The following CERS3 variants were observed in gnomAD, a reference collection of about 807,000 sequenced individuals.
The protein encoded by CERS3 is LAG1 homolog, ceramide synthase 3.
In CERS3, 33 loss-of-function variants were observed where a neutral mutation model predicts 50.3. The observed-to-expected ratio is 0.66, with a 90% CI of 0.50 to 0.88. The LOEUF (loss-of-function observed/expected upper bound fraction) is 0.88, where lower values mean the gene tolerates loss of function less well. CERS3 is among the 40% of genes least tolerant of loss of function. CERS3 has a pLI of 0.00. For synonymous variants in CERS3, 176 were observed against 155.2 expected (o/e 1.13, Z -0.99); for missense variants, 470 against 460.3 (o/e 1.02, Z -0.19).
chr15:100,476,231 A>C, intron 7 of CERS3, 53 bp from the exon 8 acceptor site: 1 of 1,183,870 alleles, frequency 8.4e-7, no homozygotes, highest in Non-Finnish European at 1.2e-6. Context: ...GAAGCAACTC[A>C]TTTTAATGCA....
At chr15:100,498,067 T>G (rs909474922) in intron 3 of CERS3, among the ~76,000 whole-genome samples, 1 of 152,060 alleles carries the variant, frequency 6.6e-6, no homozygotes, top group Non-Finnish European at 1.5e-5. Context: ...TTAATTTTTT[T>G]GTATTTTTAG....
At chr15:100,432,511 C>G (rs2033186044) in intron 11 of CERS3, among the ~76,000 whole-genome samples, 1 of 152,172 alleles carries the variant, frequency 6.6e-6, no homozygotes, top group Non-Finnish European at 1.5e-5. Flanking sequence ...CATAATGCGA[C>G]TAACAGCAAT....
intron 11 of CERS3, among the ~76,000 whole-genome samples, chr15:100,448,513 G>T (rs1448777989): frequency 2.6e-5 from 4 of 152,202 alleles, no homozygotes; most frequent in Non-Finnish European, 4.4e-5. Context: ...ATAGAGAGCT[G>T]CCTAGAGTTG....
intron 3 of CERS3, among the ~76,000 whole-genome samples, chr15:100,497,813 C>T (rs1028601428): frequency 6.7e-6 from 1 of 150,178 alleles, no homozygotes; most frequent in Non-Finnish European, 1.5e-5. Flanking sequence ...ACTTCAAGGA[C>T]AGACTTAATG....
At chr15:100,472,533 G>A (rs1270714367) in intron 9 of CERS3, among the ~76,000 whole-genome samples, 1 of 152,284 alleles carries the variant, frequency 6.6e-6, no homozygotes, top group East Asian at 1.9e-4. Flanking sequence ...CATTCAACGG[G>A]TATTCAAGCA....
intron 11 of CERS3, among the ~76,000 whole-genome samples, chr15:100,422,935 T>G (rs1163375035): frequency 1.4e-4 from 2 of 14,424 alleles, no homozygotes; most frequent in South Asian, 2.3e-3. Flanking sequence ...GGGACTGTTG[T>G]GGGGTGGGGG....
upstream of CERS3, among the ~76,000 whole-genome samples, chr15:100,531,307 T>C (rs2036933485): frequency 6.6e-6 from 1 of 152,214 alleles, no homozygotes; most frequent in Non-Finnish European, 1.5e-5. Context: ...GGTGTAATTC[T>C]TCCCCCTTCT....
chr15:100,542,789 ATATG>A (rs2037232548), intron 1 of CERS3, among the ~76,000 whole-genome samples: 1 of 150,238 alleles, frequency 6.7e-6, no homozygotes, highest in Non-Finnish European at 1.5e-5. Flanking sequence ...ATATATATGT[ATATG>A]TATGAACATA....
intron 3 of CERS3, among the ~76,000 whole-genome samples, chr15:100,501,407 T>G (rs2142328546): frequency 6.6e-6 from 1 of 152,334 alleles, no homozygotes; most frequent in Non-Finnish European, 1.5e-5. Flanking sequence ...CAATAAGCTC[T>G]GTGGTCCGCA....
chr15:100,439,350 A>C (rs2142146085), intron 11 of CERS3, among the ~76,000 whole-genome samples: 1 of 152,326 alleles, frequency 6.6e-6, no homozygotes, highest in African/African-American at 2.4e-5. Flanking sequence ...AATGATTAAT[A>C]CATTATTTTG....
intron 8 of CERS3, 81 bp downstream of exon 8, chr15:100,476,005 A>C: frequency 1.2e-6 from 1 of 866,494 alleles, no homozygotes; most frequent in Non-Finnish European, 1.8e-6. Context: ...GAAAAATACA[A>C]CTTAAAGATT....
chr15:100,442,709 C>T (rs2033732759), intron 11 of CERS3, among the ~76,000 whole-genome samples: 1 of 152,186 alleles, frequency 6.6e-6, no homozygotes, highest in Non-Finnish European at 1.5e-5. Context: ...AACTCCGGCC[C>T]AAGGCTCTCT....
intron 10 of CERS3, among the ~76,000 whole-genome samples, chr15:100,464,752 C>T (rs751195333): frequency 2.0e-5 from 3 of 152,214 alleles, no homozygotes; most frequent in Non-Finnish European, 2.9e-5. Context: ...CATCCACCTG[C>T]GATTTAAATG....
At chr15:100,531,851 T>C (rs1266110377), upstream of CERS3, among the ~76,000 whole-genome samples, 2 of 152,246 alleles carry the variant, frequency 1.3e-5, no homozygotes, top group African/African-American at 4.8e-5. Context: ...TAATGATTCA[T>C]TGCATTTTAA....
chr15:100,446,039 C>G (rs1422716344), intron 11 of CERS3, among the ~76,000 whole-genome samples: 1 of 152,104 alleles, frequency 6.6e-6, no homozygotes, highest in African/African-American at 2.4e-5. Context: ...GAGAACAACC[C>G]CCCTTTTTCC....
At chr15:100,430,453 A>G (rs1276277405) in intron 11 of CERS3, among the ~76,000 whole-genome samples, 5 of 152,164 alleles carry the variant, frequency 3.3e-5, no homozygotes, top group Non-Finnish European at 5.9e-5. Context: ...ATTTCCTTAC[A>G]CCTCTGGGAA....
At chr15:100,485,730 G>A (rs2035464512) in intron 4 of CERS3, among the ~76,000 whole-genome samples, 4 of 152,046 alleles carry the variant, frequency 2.6e-5, no homozygotes, top group African/African-American at 9.7e-5. Flanking sequence ...TGGGCGTGGT[G>A]GTGGGCTCCT....
intron 11 of CERS3, among the ~76,000 whole-genome samples, chr15:100,415,509 C>T (rs189780378): frequency 6.6e-6 from 1 of 152,152 alleles, no homozygotes; most frequent in Non-Finnish European, 1.5e-5. Context: ...TTTATTGTAG[C>T]ACTCTTCACA....
At chr15:100,520,098 C>G (rs2036599780) in intron 2 of CERS3, among the ~76,000 whole-genome samples, 1 of 152,214 alleles carries the variant, frequency 6.6e-6, no homozygotes, top group East Asian at 1.9e-4. Flanking sequence ...CTTCCAGGAC[C>G]TGCATGGGCC....
Sources: gnomAD v4.1 joint callset for allele counts (sites outside exome capture counted in the v4.1 genomes callset) on GRCh38, gnomAD v4.1.1 for gene constraint, MANE v1.5 for transcripts, NCBI Gene and HGNC (gene_info 2026-07-23, HGNC 2026-07-21) for gene names.